Variants in MCC observed in about 807,000 individuals in gnomAD.
MCC encodes the protein colorectal mutant cancer protein.
In MCC, 90 loss-of-function variants were observed where a neutral mutation model predicts 116.2. The ratio of observed to expected loss-of-function variants is 0.77; its 90% confidence interval spans 0.65 to 0.92. The LOEUF (loss-of-function observed/expected upper bound fraction) is 0.92. MCC is among the 40% of genes least tolerant of loss of function. The pLI is 0.00. For synonymous variants in MCC, 578 were observed against 510.5 expected, an observed-to-expected ratio of 1.13 and a Z score of -1.78; for missense variants, 1,516 against 1,312.2, an observed-to-expected ratio of 1.16 and a Z score of -2.40.
intron 3 of MCC, among the ~76,000 whole-genome samples, chr5:113,281,751 C>A (rs778353247): frequency 6.6e-6 from 1 of 152,140 alleles, no homozygotes; most frequent in Non-Finnish European, 1.5e-5. Context: ...AAAACAACAG[C>A]AGGCAGTGAG....
intron 16 of MCC, among the ~76,000 whole-genome samples, chr5:113,043,929 A>T (rs1013504375): frequency 1.3e-5 from 2 of 152,230 alleles, no homozygotes; most frequent in African/African-American, 4.8e-5. Flanking sequence ...TCAATCATTT[A>T]ATCTCCACAA....
intron 1 of MCC, among the ~76,000 whole-genome samples, chr5:113,462,235 T>C (rs910114130): frequency 2.6e-5 from 4 of 152,238 alleles, no homozygotes; most frequent in African/African-American, 7.2e-5. Flanking sequence ...AACCCAGCCA[T>C]TCACCCACTT....
At chr5:113,077,720 G>A (rs1051488307) in intron 11 of MCC, among the ~76,000 whole-genome samples, 2 of 152,172 alleles carry the variant, frequency 1.3e-5, no homozygotes, top group East Asian at 1.9e-4. Flanking sequence ...ATCTAAAATC[G>A]ACACCCTAAC....
chr5:113,166,112 T>A (rs1364002797), intron 3 of MCC, among the ~76,000 whole-genome samples: 1 of 152,180 alleles, frequency 6.6e-6, no homozygotes, highest in Non-Finnish European at 1.5e-5. Flanking sequence ...CATCTCCTTG[T>A]AGACATAGCA....
At chr5:113,030,487 T>C (rs1750878655) in intron 17 of MCC, among the ~76,000 whole-genome samples, 1 of 152,156 alleles carries the variant, frequency 6.6e-6, no homozygotes, top group African/African-American at 2.4e-5. Flanking sequence ...AAGACCAGCC[T>C]GGGCAACATG....
At chr5:113,447,714 T>TTGGA (rs960183663) in intron 1 of MCC, among the ~76,000 whole-genome samples, 1 of 152,200 alleles carries the variant, frequency 6.6e-6, no homozygotes, top group Non-Finnish European at 1.5e-5. Flanking sequence ...AAACACATCC[T>TTGGA]CCCTACATTC....
At chr5:113,093,729 A>G (rs989179536) in intron 8 of MCC, among the ~76,000 whole-genome samples, 7 of 152,036 alleles carry the variant, frequency 4.6e-5, no homozygotes, top group Non-Finnish European at 7.4e-5. Flanking sequence ...CACAGACAAG[A>G]GTCAGCTGAT....
intron 3 of MCC, among the ~76,000 whole-genome samples, chr5:113,173,334 A>G (rs79992672): frequency 0.022 from 3,289 of 152,300 alleles, 118 homozygotes; most frequent in African/African-American, 0.074. Flanking sequence ...TTAGAAATCA[A>G]CTTTGTACTT....
At chr5:113,238,337 A>G (rs1340964398) in intron 3 of MCC, among the ~76,000 whole-genome samples, 1 of 152,174 alleles carries the variant, frequency 6.6e-6, no homozygotes. Flanking sequence ...AATGCCACCT[A>G]AAAAAATCAC....
At chr5:113,417,115 G>A (rs183732058) in intron 1 of MCC, among the ~76,000 whole-genome samples, 42 of 151,942 alleles carry the variant, frequency 2.8e-4, no homozygotes, top group South Asian at 2.5e-3. Context: ...GACTACAGAC[G>A]CATGCCACCA....
chr5:113,416,703 T>C (rs558331399), intron 1 of MCC, among the ~76,000 whole-genome samples: 3 of 152,020 alleles, frequency 2.0e-5, no homozygotes, highest in Non-Finnish European at 4.4e-5. Context: ...CAAAATAGCA[T>C]GAGAGGAGAG....
At chr5:113,055,544 G>T (rs1174407509) in intron 14 of MCC, among the ~76,000 whole-genome samples, 1 of 152,202 alleles carries the variant, frequency 6.6e-6, no homozygotes, top group Non-Finnish European at 1.5e-5. Context: ...TCAAGTCAGA[G>T]AACCCCTTCT....
chr5:113,123,626 G>C (rs566212481), intron 5 of MCC, among the ~76,000 whole-genome samples: 1 of 152,300 alleles, frequency 6.6e-6, no homozygotes, highest in South Asian at 2.1e-4. Context: ...GAGAAACTTA[G>C]AATTGCAGTG....
intron 12 of MCC, among the ~76,000 whole-genome samples, chr5:113,070,505 A>AG (rs74898082): frequency 0.34 from 51,718 of 152,040 alleles, 8,792 homozygotes; most frequent in Middle Eastern, 0.39. Flanking sequence ...ATGCCTGAAG[A>AG]CCAGGAAAAT....
chr5:113,403,085 T>C (rs1036897141), intron 1 of MCC, among the ~76,000 whole-genome samples: 2 of 152,080 alleles, frequency 1.3e-5, no homozygotes, highest in African/African-American at 4.8e-5. Flanking sequence ...TGCTGCAGAT[T>C]GGCAAGAAAA....
intron 6 of MCC, among the ~76,000 whole-genome samples, chr5:113,112,940 A>G (rs961212684): frequency 2.6e-5 from 4 of 152,240 alleles, no homozygotes; most frequent in Non-Finnish European, 4.4e-5. Flanking sequence ...AAAGCTTTCA[A>G]TTAAGATTCC....
intron 3 of MCC, among the ~76,000 whole-genome samples, chr5:113,204,175 G>C (rs1762811544): frequency 6.6e-6 from 1 of 152,294 alleles, no homozygotes; most frequent in African/African-American, 2.4e-5. Flanking sequence ...CGGTTTGCAA[G>C]AACCGTTTCA....
intron 3 of MCC, among the ~76,000 whole-genome samples, chr5:113,210,326 A>T (rs1763081826): frequency 6.6e-6 from 1 of 152,208 alleles, no homozygotes; most frequent in Non-Finnish European, 1.5e-5. Flanking sequence ...CTGTGTTAAT[A>T]CAAGTGTGGT....
chr5:113,432,164 A>T (rs1770673257), intron 1 of MCC, among the ~76,000 whole-genome samples: 1 of 151,816 alleles, frequency 6.6e-6, no homozygotes, highest in South Asian at 2.1e-4. Context: ...AAACAAAAAC[A>T]AAAATTAGTT....
Sources: allele counts gnomAD v4.1 joint callset (sites outside exome capture counted in the v4.1 genomes callset), GRCh38; gene constraint gnomAD v4.1.1; transcripts MANE v1.5; gene names NCBI Gene and HGNC (gene_info 2026-07-23, HGNC 2026-07-21).